Variants in CRYL1 observed in about 807,000 individuals in gnomAD.
CRYL1 encodes the protein crystallin lambda 1.
CRYL1 carries 29 observed loss-of-function variants against 36.6 expected under a neutral mutation model. The observed-to-expected ratio is 0.79, with a 90% confidence interval of 0.59 to 1.08. CRYL1 has a LOEUF of 1.08. CRYL1 is among the 50% of genes least tolerant of loss of function. The pLI, the probability that CRYL1 is intolerant of heterozygous loss-of-function variation, is 0.00. For synonymous variants in CRYL1, 152 were observed against 151.5 expected (o/e 1.00, Z -0.02); for missense variants, 411 against 407.9 (o/e 1.01, Z -0.06).
chr13:20,513,928 A>C lies in CRYL1; in HGVS notation c.42-1378T>G, dbSNP rs914542364. On this transcript the variant is annotated intron_variant, in intron 1 of 7. Transcript: ENST00000298248. The stretch of plus-strand genomic sequence containing the variant: ...AGAAAGTATTAAAAAAAAAAAAAAA[A>C]ACGCATCGATGGGGCATGTCAAAGG... 2.7e-4 allele frequency among the ~76,000 whole-genome samples: 41 copies of C among 150,552 alleles called. 1 individual carries two copies. Among genetic ancestry groups the C allele is most frequent in the Middle Eastern group, 3.4e-3 (1 of 294 alleles).
chr13:20,447,429 C>T (rs1323797452), intron 3 of CRYL1, among the ~76,000 whole-genome samples: 1 of 152,138 alleles, frequency 6.6e-6, no homozygotes, highest in Non-Finnish European at 1.5e-5. Context: ...CGCCCCTACC[C>T]CAGGGAGAGC....
At chr13:20,431,249 C>A (rs1429323642) in intron 5 of CRYL1, 3 of 985,312 alleles carry the variant, frequency 3.0e-6, no homozygotes, top group South Asian at 4.7e-5. Context: ...TGTGTCCATG[C>A]GAGTCCAAAC....
intron 3 of CRYL1, among the ~76,000 whole-genome samples, chr13:20,469,565 G>A (rs988524296): frequency 6.6e-6 from 1 of 152,150 alleles, no homozygotes; most frequent in African/African-American, 2.4e-5. Flanking sequence ...GGGACTCGGG[G>A]TTCAATTAAC....
chr13:20,445,432 C>A (rs1326429905), intron 3 of CRYL1, among the ~76,000 whole-genome samples: 6 of 152,200 alleles, frequency 3.9e-5, no homozygotes, highest in African/African-American at 1.2e-4. Context: ...ATAGTAACAA[C>A]AGACCAGTCT....
chr13:20,475,791 C>T (rs573538123), intron 3 of CRYL1, among the ~76,000 whole-genome samples: 1 of 152,194 alleles, frequency 6.6e-6, no homozygotes, highest in South Asian at 2.1e-4. Context: ...TCCCACCCAC[C>T]ACCTACCAAC....
At position 20,432,264 on chromosome 13, in the gene CRYL1, C is replaced by T. The variant is rs1189969709; in HGVS notation, c.471G>A (p.Glu157=). 1.9e-6 allele frequency: 3 copies of T among 1,613,132 alleles called. No individual in the cohort carries two copies. Among genetic ancestry groups the T allele is most frequent in the Non-Finnish European group, 2.5e-6 (3 of 1,179,626 alleles). ...VNPPYYIPLV[E]LVPHPETAPT... is the part of the protein sequence containing the mutation. ...GGGCCGTCTCCGGGTGGGGGACCAG[C>T]TCAACCAGCGGGATGTAGTATGGCG... Residue 157 remains glutamate (E), a synonymous_variant, in exon 5 of 8, where the codon GAG becomes GAA. Transcript: ENST00000298248.
At chr13:20,464,854 C>G (rs958877302) in intron 3 of CRYL1, among the ~76,000 whole-genome samples, 8 of 152,184 alleles carry the variant, frequency 5.3e-5, no homozygotes. Context: ...TTAAAACTTT[C>G]AAGAATATAA....
At chr13:20,462,607 C>T (rs17051986) in intron 3 of CRYL1, among the ~76,000 whole-genome samples, 6,377 of 151,022 alleles carry the variant, frequency 0.042, 292 homozygotes, top group Admixed American at 0.15. Flanking sequence ...TCACAAGTTT[C>T]ATCCATTTGA....
intron 3 of CRYL1, among the ~76,000 whole-genome samples, chr13:20,480,895 C>T: frequency 6.6e-6 from 1 of 152,110 alleles, no homozygotes; most frequent in Middle Eastern, 3.2e-3. Flanking sequence ...TACATAATTA[C>T]AGATTAAGAG....
At chr13:20,414,713 G>T (rs2031612931) in intron 5 of CRYL1, among the ~76,000 whole-genome samples, 1 of 152,194 alleles carries the variant, frequency 6.6e-6, no homozygotes, top group Admixed American at 6.5e-5. Flanking sequence ...ATGTATTAAG[G>T]TTAGACGTCT....
At chr13:20,496,550 AT>A (rs2033607443) in intron 2 of CRYL1, among the ~76,000 whole-genome samples, 1 of 152,190 alleles carries the variant, frequency 6.6e-6, no homozygotes, top group African/African-American at 2.4e-5. Context: ...CATAAAGCAC[AT>A]CTATTTATCT....
intron 6 of CRYL1, among the ~76,000 whole-genome samples, chr13:20,410,395 AG>A (rs1235547926): frequency 1.3e-5 from 1 of 75,370 alleles, no homozygotes; most frequent in African/African-American, 5.4e-5. Context: ...GGGTGGGGGG[AG>A]GGGGGAGGGA....
chr13:20,440,167 A>T (rs1196616524), intron 3 of CRYL1, among the ~76,000 whole-genome samples: 30 of 152,210 alleles, frequency 2.0e-4, no homozygotes, highest in Non-Finnish European at 1.5e-5. Context: ...CCTCTGAAAG[A>T]CTGTCCATTC....
At chr13:20,448,973 G>T (rs1306011724) in intron 3 of CRYL1, among the ~76,000 whole-genome samples, 2 of 152,178 alleles carry the variant, frequency 1.3e-5, no homozygotes, top group Non-Finnish European at 2.9e-5. Flanking sequence ...TTCGAGACCA[G>T]CCTGGCCAAC....
intron 2 of CRYL1, among the ~76,000 whole-genome samples, chr13:20,494,747 G>T (rs2033575508): frequency 6.6e-6 from 1 of 152,194 alleles, no homozygotes; most frequent in Non-Finnish European, 1.5e-5. Context: ...GACCACCCCG[G>T]AATGAGAATG....
Position 20,525,777 on chromosome 13 carries a change from G to C in CRYL1, c.18C>G (p.Ala6=). The part of the protein sequence containing the change: MASSA[A]GCVVIVGSGV... ...ACCTGCCAACGATCACCACGCAGCC[G>C]GCCGCGGAGGACGCCATGGTTGGGC... is the stretch of plus-strand genomic sequence containing the variant. The change falls in exon 1 of 8, where the codon GCC becomes GCG. Residue 6 remains alanine (A), a synonymous_variant. Transcript: ENST00000298248. This position sits in a 1 kb window ranked among gnomAD's most constrained non-coding sequence, Gnocchi z 4.3. The C allele has an allele frequency of 3.1e-6, 4 of 1,289,854 alleles. No homozygotes were observed. Among genetic ancestry groups the C allele is most frequent in the Non-Finnish European group, 3.9e-6 (4 of 1,017,352 alleles). The allele number at this position is 1,289,854 out of a possible 1,614,324, so 79.9% of individuals were successfully genotyped here.
In CRYL1 at chr13:20,457,796, T is replaced by C. The variant is rs940424987; in HGVS notation, c.277-18042A>G. Reference sequence around the variant, plus strand: ...CTGCACCAGGCCCTGCTCCAAGTGCTGACATGGGCTCGTTTAACTTTCACT... The same window carrying C: ...CTGCACCAGGCCCTGCTCCAAGTGCCGACATGGGCTCGTTTAACTTTCACT... On this transcript the variant is annotated intron_variant, in intron 3 of 7. Coordinates refer to ENST00000298248, the MANE Select transcript of CRYL1 (RefSeq NM_015974.3). Among the ~76,000 whole-genome samples the C allele has an allele frequency of 2.0e-5, 3 of 152,212 alleles. No individual in the cohort carries two copies. In the East Asian group the frequency reaches 5.8e-4, roughly 29 times the overall value.
rs1426913893 is a variant in CRYL1, at chr13:20,435,086, A to G, written c.439-2790T>C. On this transcript the variant is annotated intron_variant, in intron 4 of 7. Transcript: ENST00000298248. This position sits in a 1 kb window ranked among gnomAD's most constrained non-coding sequence, Gnocchi z 4.0. ...TGGAGCTGTGGAAAGTTAGTGTTTC[A>G]TGGGTAGGAGGTTCAGTCTTATAAG... Among the ~76,000 whole-genome samples the G allele has an allele frequency of 6.6e-6, 1 of 152,072 alleles. No individual in the cohort carries two copies. The highest frequency in any genetic ancestry group is 1.5e-5 in the Non-Finnish European group (1 of 67,986).
intron 6 of CRYL1, among the ~76,000 whole-genome samples, chr13:20,407,508 T>C (rs2031408268): frequency 6.6e-6 from 1 of 152,202 alleles, no homozygotes; most frequent in Non-Finnish European, 1.5e-5. Context: ...TGTAAATTAC[T>C]CTAAAATGCC....
Sources: gnomAD v4.1 joint callset for allele counts (sites outside exome capture counted in the v4.1 genomes callset) on GRCh38, gnomAD v4.1.1 for gene constraint, Gnocchi (gnomAD v3.1) non-coding constraint, MANE v1.5 for transcripts, NCBI Gene and HGNC (gene_info 2026-07-23, HGNC 2026-07-21) for gene names.